CNTNAP5: variants seen among roughly 807,000 people sequenced by gnomAD.
CNTNAP5 encodes contactin associated protein family member 5.
In CNTNAP5, 72 loss-of-function variants were observed where a neutral mutation model predicts 150.2. That is an observed-to-expected ratio of 0.48 (90% confidence interval 0.40 to 0.58). The LOEUF (loss-of-function observed/expected upper bound fraction) is 0.58, where lower values mean the gene tolerates loss of function less well. CNTNAP5 is among the 20% of genes least tolerant of loss of function. The probability of loss-of-function intolerance (pLI) is 0.00; values close to 1 mark genes in which losing one functional copy is unlikely to be tolerated. For missense variants in CNTNAP5, 1,636 were observed against 1,626.2 expected (o/e 1.01, Z -0.10); for synonymous variants, 672 against 619.8 (o/e 1.08, Z -1.25).
chr2:124,651,064 C>T (rs1678310643), intron 13 of CNTNAP5, among the ~76,000 whole-genome samples: 1 of 152,166 alleles, frequency 6.6e-6, no homozygotes, highest in South Asian at 2.1e-4. Flanking sequence ...AGACTGAGTG[C>T]CCGTTTCCCA....
chr2:124,532,949 GCCCCGCCACCCTTT>G (rs1695144392), intron 10 of CNTNAP5, among the ~76,000 whole-genome samples: 1 of 152,074 alleles, frequency 6.6e-6, no homozygotes. Context: ...AGGCTTAAGT[GCCCCGCCACCCTTT>G]CCCCAACCCC....
intron 17 of CNTNAP5, among the ~76,000 whole-genome samples, chr2:124,773,909 CGTGTGTGTGT>C (rs55795835): frequency 4.0e-4 from 53 of 132,104 alleles, no homozygotes; most frequent in Middle Eastern, 4.0e-3. Flanking sequence ...TAAGGGAGTG[CGTGTGTGTGT>C]GTGTGTGTGT....
In CNTNAP5 at chr2:124,774,777, C is replaced by T. The variant is rs146999072; in HGVS notation, c.2752+1760C>T. Among the ~76,000 whole-genome samples the T allele has an allele frequency of 1.5e-3, 232 of 152,110 alleles. 1 individual carries two copies. Among genetic ancestry groups the T allele is most frequent in the African/African-American group, 4.3e-3 (179 of 41,506 alleles). On this transcript the variant is annotated intron_variant, in intron 17 of 23. Transcript: ENST00000682447. ...TCTGGCTGAAAGGTATATATAAAGA[C>T]GGAATAATTTTTTACCCTTTCATGC...
chr2:124,776,484 G>A (rs1373684989), intron 17 of CNTNAP5, among the ~76,000 whole-genome samples: 1 of 152,202 alleles, frequency 6.6e-6, no homozygotes, highest in Non-Finnish European at 1.5e-5. Context: ...CAAACTCAGT[G>A]AGGTCAAGGG....
intron 7 of CNTNAP5, among the ~76,000 whole-genome samples, chr2:124,484,188 G>T (rs1325804123): frequency 6.6e-6 from 1 of 152,216 alleles, no homozygotes; most frequent in Non-Finnish European, 1.5e-5. Flanking sequence ...TTATGTAAGT[G>T]CAGGAACTTG....
intron 11 of CNTNAP5, among the ~76,000 whole-genome samples, chr2:124,600,775 GAGAA>G (rs1573488766): frequency 1.3e-4 from 19 of 149,790 alleles, no homozygotes; most frequent in East Asian, 1.2e-3. Context: ...GAGAAAGAGA[GAGAA>G]AGAGAGAAGC....
intron 3 of CNTNAP5, among the ~76,000 whole-genome samples, chr2:124,392,448 T>C (rs2104749692): frequency 6.6e-6 from 1 of 152,090 alleles, no homozygotes; most frequent in African/African-American, 2.4e-5. Context: ...CGAAAGTAAG[T>C]TGACAAAACC....
chr2:124,244,391 T>A (rs1573863007), intron 3 of CNTNAP5, among the ~76,000 whole-genome samples: 1 of 152,126 alleles, frequency 6.6e-6, no homozygotes, highest in Non-Finnish European at 1.5e-5. Context: ...TAGGGCTCCC[T>A]GAATTGAAGG....
At chr2:124,332,194 A>T (rs150578098) in intron 3 of CNTNAP5, among the ~76,000 whole-genome samples, 1 of 151,632 alleles carries the variant, frequency 6.6e-6, no homozygotes, top group East Asian at 1.9e-4. Context: ...TTTTTAAAGA[A>T]CCTTTTAAAA....
chr2:124,383,604 TCTGCC>T (rs1475634302), intron 3 of CNTNAP5, among the ~76,000 whole-genome samples: 3 of 152,150 alleles, frequency 2.0e-5, no homozygotes, highest in Non-Finnish European at 4.4e-5. Flanking sequence ...ACAAGTAAAC[TCTGCC>T]ATATGCTAGC....
At chr2:124,245,292 GCTAA>G (rs1305802324) in intron 3 of CNTNAP5, among the ~76,000 whole-genome samples, 2 of 152,042 alleles carry the variant, frequency 1.3e-5, no homozygotes, top group Non-Finnish European at 2.9e-5. Flanking sequence ...TTGCCTTGTG[GCTAA>G]CTAATATTTA....
At chr2:124,535,223 G>T (rs532243058) in intron 10 of CNTNAP5, among the ~76,000 whole-genome samples, 32 of 152,146 alleles carry the variant, frequency 2.1e-4, no homozygotes, top group Non-Finnish European at 4.4e-4. Context: ...AGCTCTGGTT[G>T]TGCACAGGAG....
At chr2:124,508,261 C>T (rs1694460694) in intron 8 of CNTNAP5, among the ~76,000 whole-genome samples, 2 of 152,178 alleles carry the variant, frequency 1.3e-5, no homozygotes, top group Admixed American at 1.3e-4. Flanking sequence ...TGAATTTGTG[C>T]AGTCAGACGA....
chr2:124,507,351 G>C (rs571322161), intron 8 of CNTNAP5, among the ~76,000 whole-genome samples: 3 of 152,114 alleles, frequency 2.0e-5, no homozygotes, highest in African/African-American at 7.2e-5. Context: ...CCAGCTACTC[G>C]TCAGGCTCAG....
At chr2:124,034,410 G>A (rs562531647) in intron 1 of CNTNAP5, among the ~76,000 whole-genome samples, 5 of 152,226 alleles carry the variant, frequency 3.3e-5, no homozygotes, top group Admixed American at 3.3e-4. Context: ...TAATCGGATG[G>A]GTGAGTCACT....
chr2:124,874,370 A>G (rs977000789), intron 21 of CNTNAP5, among the ~76,000 whole-genome samples: 1 of 152,120 alleles, frequency 6.6e-6, no homozygotes, highest in African/African-American at 2.4e-5. Context: ...ATAGATGTGT[A>G]TGCCTCAGAT....
chr2:124,295,715 T>G (rs1688412022), intron 3 of CNTNAP5, among the ~76,000 whole-genome samples: 1 of 152,272 alleles, frequency 6.6e-6, no homozygotes, highest in African/African-American at 2.4e-5. Flanking sequence ...TGTTTGCCTA[T>G]TTTATGTTTA....
At chr2:124,182,070 A>G (rs188084284) in intron 1 of CNTNAP5, among the ~76,000 whole-genome samples, 2 of 152,312 alleles carry the variant, frequency 1.3e-5, no homozygotes, top group African/African-American at 4.8e-5. Flanking sequence ...TACAAGTTTA[A>G]TTATCTGTAA....
chr2:124,050,115 C>G (rs2104641685), intron 1 of CNTNAP5, among the ~76,000 whole-genome samples: 1 of 152,150 alleles, frequency 6.6e-6, no homozygotes, highest in Middle Eastern at 3.4e-3. Flanking sequence ...TACTTAATAT[C>G]TAGTAGCTGT....
Sources: gnomAD v4.1 joint callset for allele counts (sites outside exome capture counted in the v4.1 genomes callset) on GRCh38, gnomAD v4.1.1 for gene constraint, MANE v1.5 for transcripts, NCBI Gene and HGNC (gene_info 2026-07-23, HGNC 2026-07-21) for gene names.